Variants in CFAP54 observed in about 807,000 individuals in gnomAD.
CFAP54 encodes cilia and flagella associated protein 54.
Under a neutral mutation model 370.4 loss-of-function variants are expected in CFAP54, and 290 were observed. That is an observed-to-expected ratio of 0.78 (90% CI 0.71 to 0.86). The LOEUF is 0.86. Ranked by LOEUF, CFAP54 falls within the 40% of genes least tolerant of loss-of-function variation. The pLI, the probability that CFAP54 is intolerant of heterozygous loss-of-function variation, is 0.00. For missense variants in CFAP54, 3,399 were observed against 3,528.7 expected (o/e 0.96, Z 0.93); for synonymous variants, 1,206 against 1,236.5 (o/e 0.98, Z 0.52).
chr12:96,693,233 T>G (rs2136567131), intron 44 of CFAP54, among the ~76,000 whole-genome samples: 1 of 152,368 alleles, frequency 6.6e-6, no homozygotes. Flanking sequence ...AAATATTTTT[T>G]GTTGATAGAC....
intron 45 of CFAP54, among the ~76,000 whole-genome samples, chr12:96,697,496 CTTA>C (rs1227496531): frequency 6.6e-6 from 1 of 152,082 alleles, no homozygotes; most frequent in Non-Finnish European, 1.5e-5. Context: ...TTTTCTCTTT[CTTA>C]TTAATAATAT....
rs76573599 is a variant in CFAP54, at chr12:96,818,854, G to A, written c.9096+941G>A. Among the ~76,000 whole-genome samples, 230 of 152,338 alleles carry A rather than the reference G, an allele frequency of 1.5e-3. 2 individuals are homozygous for A. In the East Asian group the frequency reaches 0.042, roughly 28 times the overall value. ...GGTAAATCCAAAAGAAGCTGGAAGT[G>A]TCTTGCCTTCTTTGGGAGAGATATG... On this transcript the variant is annotated intron_variant, in intron 65 of 67. Transcript: ENST00000524981.
chr12:96,607,694 T>C (rs543763761), intron 26 of CFAP54, among the ~76,000 whole-genome samples: 1 of 152,328 alleles, frequency 6.6e-6, no homozygotes, highest in African/African-American at 2.4e-5. Flanking sequence ...GAAATACATG[T>C]GGGTGAAATC....
intron 32 of CFAP54, among the ~76,000 whole-genome samples, chr12:96,637,548 A>G (rs1307417649): frequency 6.6e-6 from 1 of 152,210 alleles, no homozygotes; most frequent in African/African-American, 2.4e-5. Context: ...CAGTTAGCTA[A>G]CAACTGGAGA....
intron 24 of CFAP54, among the ~76,000 whole-genome samples, chr12:96,592,950 T>A (rs1263976017): frequency 6.6e-6 from 1 of 152,206 alleles, no homozygotes; most frequent in Non-Finnish European, 1.5e-5. Context: ...TACAACAATT[T>A]TGCTTTCATA....
chr12:96,512,914 C>A, intron 4 of CFAP54, 72 bp from the exon 5 acceptor site: 1 of 1,003,024 alleles, frequency 1.0e-6, no homozygotes, highest in Non-Finnish European at 1.4e-6. Flanking sequence ...CAGACTTGAA[C>A]CACAGAAATT....
At chr12:96,786,417 G>A (rs989758991) in intron 61 of CFAP54, among the ~76,000 whole-genome samples, 1 of 152,074 alleles carries the variant, frequency 6.6e-6, no homozygotes, top group East Asian at 1.9e-4. Flanking sequence ...CTGACCTCAG[G>A]TGATCCTCCC....
intron 67 of CFAP54, among the ~76,000 whole-genome samples, chr12:96,873,721 A>G (rs992316686): frequency 2.0e-5 from 3 of 152,262 alleles, no homozygotes; most frequent in Non-Finnish European, 4.4e-5. Context: ...TATAAACAAA[A>G]GGCATAGATG....
chr12:96,505,483 C>G (rs1041569094), intron 3 of CFAP54, among the ~76,000 whole-genome samples: 1 of 151,276 alleles, frequency 6.6e-6, no homozygotes, highest in African/African-American at 2.4e-5. Flanking sequence ...GAGCCTGGGT[C>G]ACCCCTATAA....
intron 50 of CFAP54, among the ~76,000 whole-genome samples, chr12:96,725,233 G>C (rs1461991224): frequency 4.6e-5 from 7 of 151,408 alleles, no homozygotes; most frequent in Non-Finnish European, 8.9e-5. Context: ...GTAGCTTGAT[G>C]GGGATGGCAT....
chr12:96,783,987 C>T (rs1958605328), intron 60 of CFAP54, among the ~76,000 whole-genome samples: 1 of 152,184 alleles, frequency 6.6e-6, no homozygotes, highest in Non-Finnish European at 1.5e-5. Flanking sequence ...GAGTGTATAG[C>T]TGGGATTTGA....
At chr12:96,608,081 A>G (rs955205369) in intron 26 of CFAP54, among the ~76,000 whole-genome samples, 1 of 152,160 alleles carries the variant, frequency 6.6e-6, no homozygotes, top group Admixed American at 6.5e-5. Context: ...GGAGCAATGA[A>G]TCTTGCAATA....
At chr12:96,645,704 A>G (rs957587765) in intron 33 of CFAP54, 1 of 152,752 alleles carries the variant, frequency 6.5e-6, no homozygotes, top group African/African-American at 2.4e-5. Flanking sequence ...AAACTATACT[A>G]CAAGGCTACA....
intron 50 of CFAP54, among the ~76,000 whole-genome samples, chr12:96,731,211 A>G (rs1342615487): frequency 2.0e-5 from 3 of 152,244 alleles, no homozygotes; most frequent in African/African-American, 4.8e-5. Context: ...AATTTAAAAA[A>G]ATGCCAGTTT....
chr12:96,826,387 T>A (rs992624564), intron 65 of CFAP54, among the ~76,000 whole-genome samples: 3 of 134,684 alleles, frequency 2.2e-5, no homozygotes, highest in Non-Finnish European at 4.6e-5. Context: ...CAATATATTG[T>A]TATATATATA....
chr12:96,548,042 T>TTACA, intron 15 of CFAP54, 64 bp downstream of exon 15: 1 of 686,284 alleles, frequency 1.5e-6, no homozygotes. Flanking sequence ...TAATATTAAA[T>TTACA]TTGTAAATGC....
At chr12:96,495,158 C>T (rs1041654163) in intron 1 of CFAP54, among the ~76,000 whole-genome samples, 9 of 151,976 alleles carry the variant, frequency 5.9e-5, no homozygotes, top group Non-Finnish European at 8.8e-5. Context: ...GAGTATGATA[C>T]GTTTTTAAAA....
At chr12:96,509,678 T>C (rs1955143570) in intron 4 of CFAP54, among the ~76,000 whole-genome samples, 1 of 151,992 alleles carries the variant, frequency 6.6e-6, no homozygotes, top group African/African-American at 2.4e-5. Context: ...TATCCGGGTG[T>C]GGTGGTGCAT....
chr12:96,768,928 A>T (rs1315824542), intron 60 of CFAP54, among the ~76,000 whole-genome samples: 7 of 152,210 alleles, frequency 4.6e-5, no homozygotes, highest in Non-Finnish European at 4.4e-5. Flanking sequence ...ATTATGACAG[A>T]ATGGACTAGT....
Sources: allele counts gnomAD v4.1 joint callset (sites outside exome capture counted in the v4.1 genomes callset), GRCh38; gene constraint gnomAD v4.1.1; transcripts MANE v1.5; gene names NCBI Gene and HGNC (gene_info 2026-07-23, HGNC 2026-07-21).